Variants in FMO5 observed in about 807,000 individuals in gnomAD.
FMO5 encodes flavin-containing monooxygenase 5.
In FMO5, 51 loss-of-function variants were observed where a neutral mutation model predicts 43.6. The ratio of observed to expected loss-of-function variants is 1.17; its 90% CI spans 0.93 to 1.48. The LOEUF is 1.48. Among genes scored for constraint, FMO5 ranks in the 40% most tolerant of loss-of-function variants. The probability of loss-of-function intolerance (pLI) is 0.00; values close to 1 mark genes in which losing one functional copy is unlikely to be tolerated. For synonymous variants in FMO5, 187 were observed against 216.5 expected (o/e 0.86, Z 1.20); for missense variants, 644 against 643.0 (o/e 1.00, Z -0.02).
intron 6 of FMO5, chr1:147,204,315 T>G: frequency 1.0e-6 from 1 of 965,458 alleles, no homozygotes; most frequent in East Asian, 2.4e-5. Flanking sequence ...AGCCCAGAAT[T>G]TTACAAACTC....
At chr1:147,214,799 C>A (rs1474501063) in intron 3 of FMO5, 10 of 151,868 alleles carry the variant, frequency 6.6e-5, no homozygotes, top group African/African-American at 2.4e-4. Context: ...TCATTTTTAT[C>A]CCCTTAACTA....
intron 2 of FMO5, among the ~76,000 whole-genome samples, chr1:147,221,084 A>T (rs973480891): frequency 4.6e-5 from 7 of 152,028 alleles, no homozygotes; most frequent in Non-Finnish European, 5.9e-5. Context: ...ATAAATCCCA[A>T]CTGAGGGATA....
intron 4 of FMO5, 136 bp from the exon 5 acceptor site, chr1:147,212,671 G>T: frequency 1.2e-6 from 1 of 800,122 alleles, no homozygotes; most frequent in African/African-American, 1.7e-5. Flanking sequence ...CTACTTTCTT[G>T]CCTTTCTCAG....
chr1:147,187,195 A>AT lies in FMO5; in HGVS notation c.1306dup (p.Met436AsnfsTer6). ...CCCCACCAAATCAGCAAGCTCTTCC[A>AT]TGGTATCTATGTAGTCTCCCTGAAT... is the stretch of plus-strand genomic sequence containing the variant. On this transcript the variant is annotated frameshift_variant, in exon 9 of 9. Transcript: ENST00000254090. LOFTEE classifies it low-confidence loss of function (END_TRUNC). 6.2e-7 allele frequency: 1 copy of AT among 1,614,110 alleles called. No individual in the cohort carries two copies. The highest frequency in any genetic ancestry group is 8.5e-7 in the Non-Finnish European group (1 of 1,179,996).
At chr1:147,218,789 T>G (rs1553925644) in intron 2 of FMO5, among the ~76,000 whole-genome samples, 1 of 152,216 alleles carries the variant, frequency 6.6e-6, no homozygotes, top group Non-Finnish European at 1.5e-5. Context: ...TGCACAACTT[T>G]AAACCTTCGT....
chr1:147,204,876 C>T (rs1571277596), intron 6 of FMO5: 9 of 1,592,040 alleles, frequency 5.7e-6, no homozygotes, highest in South Asian at 2.2e-5. Flanking sequence ...AAAAGTGTTT[C>T]GCTCCCTCCT....
At chr1:147,213,619 T>C in intron 3 of FMO5, 149 bp from the exon 4 acceptor site, 2 of 653,726 alleles carry the variant, frequency 3.1e-6, no homozygotes, top group South Asian at 7.4e-5. Flanking sequence ...TAAGAACTGT[T>C]TGGGGCTGTA....
intron 2 of FMO5, among the ~76,000 whole-genome samples, chr1:147,218,370 G>A (rs1324709093): frequency 6.6e-6 from 1 of 151,936 alleles, no homozygotes; most frequent in African/African-American, 2.4e-5. Context: ...CGAGTAGCTG[G>A]GCCTACAGGC....
chr1:147,201,117 A>T (rs1553920768), intron 7 of FMO5, 35 bp downstream of exon 7: 1 of 1,449,774 alleles, frequency 6.9e-7, no homozygotes. Flanking sequence ...ACATATCACC[A>T]AGTAATTAAG....
chr1:147,199,209 G>C lies in FMO5; in HGVS notation c.1183+1943C>G, dbSNP rs78158716. Among the ~76,000 whole-genome samples, 1,451 of 151,898 alleles carry C rather than the reference G, an allele frequency of 9.6e-3. 23 individuals carry two copies. The highest frequency in any genetic ancestry group is 0.033 in the African/African-American group (1,381 of 41,466). The stretch of plus-strand genomic sequence containing the variant: ...TGGTAGGGAACAGACAAGGAAGGAG[G>C]CAGGCTTTGTTGGGCAGACATGAAA... On this transcript the variant is annotated intron_variant, in intron 7 of 8. Coordinates refer to ENST00000254090, the MANE Select transcript of FMO5 (RefSeq NM_001461.4).
intron 7 of FMO5, among the ~76,000 whole-genome samples, chr1:147,197,086 G>A (rs1658141729): frequency 6.6e-6 from 1 of 152,080 alleles, no homozygotes; most frequent in Non-Finnish European, 1.5e-5. Context: ...GCAAACTCTT[G>A]ATATTGCCTG....
intron 7 of FMO5, 60 bp from the exon 8 acceptor site, chr1:147,190,309 T>C: frequency 9.5e-7 from 1 of 1,050,708 alleles, no homozygotes; most frequent in South Asian, 1.3e-5. Flanking sequence ...AATAATCCTA[T>C]AAACAATTAC....
In FMO5 at chr1:147,193,872, C is replaced by T. The variant is rs190166113; in HGVS notation, c.1184-3623G>A. 6.2e-3 allele frequency among the ~76,000 whole-genome samples: 950 copies of T among 152,144 alleles called. 14 individuals carry two copies. The highest frequency in any genetic ancestry group is 0.022 in the African/African-American group (895 of 41,470). The stretch of plus-strand genomic sequence containing the variant: ...TTTCATTGCACTGTGGTCTGAGAGA[C>T]AGTTTGTTATAATTTCTGTTCTTTT... On this transcript the variant is annotated intron_variant, in intron 7 of 8. Transcript: ENST00000254090.
intron 3 of FMO5, among the ~76,000 whole-genome samples, chr1:147,213,799 C>T (rs1369803895): frequency 6.6e-6 from 1 of 152,128 alleles, no homozygotes; most frequent in Non-Finnish European, 1.5e-5. Context: ...TATGACACTC[C>T]ATGCACTAAA....
rs1553920814 is a variant in FMO5 at position 147,201,213 on chromosome 1, G to A, written c.1122C>T (p.Pro374=). Residue 374 remains proline, a synonymous_variant, in exon 7 of 9, where the codon CCC becomes CCT. Coordinates refer to ENST00000254090, the MANE Select transcript of FMO5 (RefSeq NM_001461.4). ...PTLAIIGLIQ[P]LGAIMPISEL... is the part of the protein sequence containing the mutation. ...CTGAAATGGGCATAATGGCTCCTAA[G>A]GGCTGAATCAAGCCTATGATTGCAA... The A allele has an allele frequency of 6.2e-7, 1 of 1,614,152 alleles. No homozygotes were observed. Among genetic ancestry groups the A allele is most frequent in the Admixed American group, 1.7e-5 (1 of 60,012 alleles).
At chr1:147,225,091 A>G in intron 1 of FMO5, 25 bp from the exon 2 acceptor site, 1 of 1,611,156 alleles carries the variant, frequency 6.2e-7, no homozygotes, top group Non-Finnish European at 8.5e-7. Flanking sequence ...ACAAAAGACA[A>G]AAAGCACACA....
chr1:147,220,961 A>T (rs1662907690), intron 2 of FMO5, among the ~76,000 whole-genome samples: 2 of 146,378 alleles, frequency 1.4e-5, no homozygotes, highest in South Asian at 4.3e-4. Context: ...AAAAAAAAAC[A>T]GTGGGTATAA....
At chr1:147,218,402 AT>A (rs1200367107) in intron 2 of FMO5, among the ~76,000 whole-genome samples, 3 of 135,660 alleles carry the variant, frequency 2.2e-5, no homozygotes, top group Admixed American at 1.5e-4. Context: ...TGCCTGGCTA[AT>A]TTTTTTTGTG....
intron 7 of FMO5, among the ~76,000 whole-genome samples, chr1:147,196,827 T>A (rs1291118853): frequency 6.6e-6 from 1 of 152,138 alleles, no homozygotes; most frequent in Admixed American, 6.5e-5. Context: ...TTCTCCAACA[T>A]GCTTTCTGTC....
Sources: allele counts gnomAD v4.1 joint callset (sites outside exome capture counted in the v4.1 genomes callset), GRCh38; gene constraint gnomAD v4.1.1; transcripts MANE v1.5; gene names NCBI Gene and HGNC (gene_info 2026-07-23, HGNC 2026-07-21).